Variants in TXNDC16 observed in about 807,000 individuals in gnomAD.
TXNDC16 encodes the protein thioredoxin domain-containing protein 16.
TXNDC16 carries 74 observed loss-of-function variants against 85.6 expected under a neutral mutation model. The observed-to-expected ratio is 0.86, with a 90% confidence interval of 0.72 to 1.05. The LOEUF (loss-of-function observed/expected upper bound fraction) is 1.05, where lower values mean the gene tolerates loss of function less well. Among genes scored for constraint, TXNDC16 ranks in the 50% least tolerant of loss-of-function variants. The probability of loss-of-function intolerance (pLI) is 0.00; values close to 1 mark genes in which losing one functional copy is unlikely to be tolerated. For missense variants in TXNDC16, 959 were observed against 947.0 expected, an observed-to-expected ratio of 1.01 and a Z score of -0.17; for synonymous variants, 335 against 326.5, an observed-to-expected ratio of 1.03 and a Z score of -0.28.
chr14:52,540,652 G>A (rs1385802105), intron 4 of TXNDC16, among the ~76,000 whole-genome samples: 1 of 151,968 alleles, frequency 6.6e-6, no homozygotes, highest in Middle Eastern at 3.2e-3. Flanking sequence ...AAACTTCTAT[G>A]GCACTTTATT....
intron 9 of TXNDC16, 104 bp downstream of exon 9, chr14:52,511,136 C>T (rs946817082): frequency 9.8e-7 from 1 of 1,023,472 alleles, no homozygotes; most frequent in Non-Finnish European, 1.3e-6. Context: ...AAACATGCAT[C>T]TATAAATCAA....
chr14:52,521,246 G>A (rs1392473161), intron 6 of TXNDC16, among the ~76,000 whole-genome samples: 3 of 150,932 alleles, frequency 2.0e-5, no homozygotes, highest in African/African-American at 7.3e-5. Context: ...CCGAGTGGCT[G>A]GGACTACAGG....
intron 20 of TXNDC16, 104 bp from the exon 21 acceptor site, chr14:52,432,691 A>G: frequency 8.7e-7 from 1 of 1,153,656 alleles, no homozygotes; most frequent in Non-Finnish European, 1.2e-6. Flanking sequence ...GTAGAAGTGA[A>G]AGTTTTATTA....
Position 52,505,025 on chromosome 14 carries a change from C to T in TXNDC16, c.756+6215G>A, listed in dbSNP as rs181776230. Among the ~76,000 whole-genome samples, 241 of 152,302 alleles carry T rather than the reference C, an allele frequency of 1.6e-3. 1 individual carries two copies. The highest frequency in any genetic ancestry group is 2.7e-3 in the Non-Finnish European group (183 of 68,020). ...CAATTCAAAAAGAAGAGCTAACTAT[C>T]GTAAATATATATGCGCCCAATATAG... On this transcript the variant is annotated intron_variant, in intron 9 of 20. Transcript: ENST00000281741.
intron 7 of TXNDC16, among the ~76,000 whole-genome samples, chr14:52,518,563 TTGCCACCTCCAC>T (rs2037138063): frequency 6.6e-6 from 1 of 152,176 alleles, no homozygotes; most frequent in Non-Finnish European, 1.5e-5. Flanking sequence ...TTCAAATTTA[TTGCCACCTCCAC>T]TGCCATCACC....
intron 6 of TXNDC16, among the ~76,000 whole-genome samples, chr14:52,532,856 G>A (rs1422580771): frequency 6.6e-6 from 1 of 152,138 alleles, no homozygotes; most frequent in Non-Finnish European, 1.5e-5. Context: ...TAAGAAGATA[G>A]GTTGTTCCTC....
intron 1 of TXNDC16, among the ~76,000 whole-genome samples, chr14:52,547,286 G>A (rs2037959483): frequency 6.6e-6 from 1 of 152,184 alleles, no homozygotes; most frequent in Non-Finnish European, 1.5e-5. Context: ...CTCACACAGG[G>A]CAAAGCCAAG....
Position 52,511,299 on chromosome 14 carries a change from G to C in TXNDC16, c.697C>G (p.Gln233Glu), listed in dbSNP as rs753621425. 8.7e-6 allele frequency: 14 copies of C among 1,607,998 alleles called. No individual in the cohort carries two copies. In the Admixed American group the frequency reaches 2.3e-4, roughly 27 times the overall value. Residue 233 changes from glutamine to glutamate, a missense_variant, in exon 9 of 21, where the codon CAG (glutamine) becomes GAG (glutamate). By Grantham distance (29) the Gln-to-Glu change is conservative. Transcript: ENST00000281741. ...TGAATGTTCAGTGTAGTCAATGGCT[G>C]TTCCATTAGTGTTCTTCTACATTGC... ...TQQCRRTLME[Q>E]PLTTLNIHLF...
rs780013310 is a variant in TXNDC16, at chr14:52,537,683, G to C, written c.244-11C>G. The C allele has an allele frequency of 6.7e-7, 1 of 1,503,012 alleles. No individual in the cohort carries two copies. Among genetic ancestry groups the C allele is most frequent in the Non-Finnish European group, 9.2e-7 (1 of 1,084,768 alleles). 93.1% of individuals were successfully genotyped at this position (1,503,012 alleles called of 1,614,324 possible). ...TTTGACACAATTAACCTTTAAAAGA[G>C]TATACTTAAGTTTTAGCATATATAT... On this transcript the variant is annotated splice_polypyrimidine_tract_variant and intron_variant, in intron 4 of 20. Transcript: ENST00000281741.
In TXNDC16 at chr14:52,511,272, G is replaced by A. The variant is rs773770408; in HGVS notation, c.724C>T (p.Leu242=). 46 of 1,590,156 alleles carry A rather than the reference G, an allele frequency of 2.9e-5. No individual in the cohort carries two copies. Among genetic ancestry groups the A allele is most frequent in the Non-Finnish European group, 3.8e-5 (44 of 1,165,222 alleles). The part of the protein sequence containing the change: ...EQPLTTLNIH[L]FIKTMKAPLL... ...GGTGCTTTCATTGTCTTAATAAACAGGTGAATGTTCAGTGTAGTCAATGGC... is the reference window on the plus strand; with the variant it reads ...GGTGCTTTCATTGTCTTAATAAACAAGTGAATGTTCAGTGTAGTCAATGGC... The change falls in exon 9 of 21, where the codon CTG becomes TTG. Residue 242 remains leucine (L), a synonymous_variant. Coordinates refer to ENST00000281741, the MANE Select transcript of TXNDC16 (RefSeq NM_020784.3).
intron 16 of TXNDC16, among the ~76,000 whole-genome samples, chr14:52,458,204 A>T (rs1226152452): frequency 3.9e-5 from 6 of 152,208 alleles, no homozygotes; most frequent in African/African-American, 1.4e-4. Flanking sequence ...TCTGTAGGAA[A>T]GCAAACTTAC....
chr14:52,479,668 T>C (rs1187957593), intron 14 of TXNDC16, among the ~76,000 whole-genome samples: 1 of 151,982 alleles, frequency 6.6e-6, no homozygotes, highest in Non-Finnish European at 1.5e-5. Flanking sequence ...AAAGAAATCG[T>C]GGATGACACA....
chr14:52,456,814 T>C (rs988948250), intron 17 of TXNDC16, among the ~76,000 whole-genome samples: 1 of 152,036 alleles, frequency 6.6e-6, no homozygotes. Flanking sequence ...AAGAACCACA[T>C]TGTAGGTAAT....
At chr14:52,462,976 A>G (rs1222062647) in intron 16 of TXNDC16, 1 of 455,902 alleles carries the variant, frequency 2.2e-6, no homozygotes, top group Non-Finnish European at 4.4e-6. Flanking sequence ...CCTACCTATG[A>G]GTGCAAGAAA....
chr14:52,511,097 GA>G (rs1316153671), intron 9 of TXNDC16, 142 bp downstream of exon 9: 39 of 608,790 alleles, frequency 6.4e-5, no homozygotes, highest in Non-Finnish European at 9.4e-5. Flanking sequence ...GAAAAAAAGG[GA>G]AAAGCTATAA....
At chr14:52,456,144 T>C (rs1389521924) in intron 17 of TXNDC16, among the ~76,000 whole-genome samples, 1 of 152,226 alleles carries the variant, frequency 6.6e-6, no homozygotes, top group African/African-American at 2.4e-5. Context: ...TATAATAACT[T>C]AATTCATGCC....
At chr14:52,436,197 A>C (rs1566525928) in intron 20 of TXNDC16, among the ~76,000 whole-genome samples, 1 of 152,208 alleles carries the variant, frequency 6.6e-6, no homozygotes, top group Non-Finnish European at 1.5e-5. Flanking sequence ...AGGAATAAAC[A>C]AAATGTGACA....
At chr14:52,455,895 TG>T (rs2035521334) in intron 17 of TXNDC16, among the ~76,000 whole-genome samples, 1 of 152,164 alleles carries the variant, frequency 6.6e-6, no homozygotes, top group Non-Finnish European at 1.5e-5. Context: ...AGAATGAAAG[TG>T]GCCATTATGA....
intron 1 of TXNDC16, among the ~76,000 whole-genome samples, chr14:52,547,669 A>C (rs954684324): frequency 3.9e-5 from 6 of 152,188 alleles, no homozygotes; most frequent in Non-Finnish European, 8.8e-5. Flanking sequence ...TCCAAACAGG[A>C]ATACTTACAG....
Sources: allele counts gnomAD v4.1 joint callset (sites outside exome capture counted in the v4.1 genomes callset), GRCh38; gene constraint gnomAD v4.1.1; transcripts MANE v1.5; gene names NCBI Gene and HGNC (gene_info 2026-07-23, HGNC 2026-07-21).